HCN1: variants seen among roughly 807,000 people sequenced by gnomAD.
HCN1 encodes the protein hyperpolarization activated cyclic nucleotide gated potassium channel 1, also known as potassium/sodium hyperpolarization-activated cyclic nucleotide-gated channel 1.
HCN1 carries 13 observed loss-of-function variants against 78.9 expected under a neutral mutation model. That is an observed-to-expected ratio of 0.16 (90% CI 0.11 to 0.26). The LOEUF (loss-of-function observed/expected upper bound fraction) is 0.26, where lower values mean the gene tolerates loss of function less well. HCN1 is among the 10% of genes least tolerant of loss of function. The probability of loss-of-function intolerance (pLI) is 1.00; values close to 1 mark genes in which losing one functional copy is unlikely to be tolerated. For missense variants in HCN1, 810 were observed against 1,154.3 expected (o/e 0.70, Z 4.32); for synonymous variants, 552 against 455.5 (o/e 1.21, Z -2.70).
chr5:45,327,461 A>G (rs1746258786), intron 5 of HCN1, among the ~76,000 whole-genome samples: 1 of 151,638 alleles, frequency 6.6e-6, no homozygotes, highest in South Asian at 2.1e-4. Flanking sequence ...CAAACATAAC[A>G]ATATATGTAT....
At chr5:45,412,966 G>A (rs1384767748) in intron 3 of HCN1, among the ~76,000 whole-genome samples, 1 of 152,034 alleles carries the variant, frequency 6.6e-6, no homozygotes, top group Non-Finnish European at 1.5e-5. Context: ...TATTAGTTTT[G>A]AACATTCTTG....
intron 2 of HCN1, among the ~76,000 whole-genome samples, chr5:45,612,149 CTA>C (rs1410292445): frequency 6.6e-6 from 1 of 152,074 alleles, no homozygotes; most frequent in Non-Finnish European, 1.5e-5. Flanking sequence ...TCTGGAGTTT[CTA>C]TGTTATTTCT....
chr5:45,474,803 A>T (rs1244334083), intron 2 of HCN1, among the ~76,000 whole-genome samples: 1 of 151,948 alleles, frequency 6.6e-6, no homozygotes, highest in East Asian at 1.9e-4. Context: ...GATGGGAAGG[A>T]TCATACCTTA....
intron 1 of HCN1, among the ~76,000 whole-genome samples, chr5:45,692,661 A>G (rs750245148): frequency 1.4e-4 from 22 of 152,146 alleles, no homozygotes; most frequent in Non-Finnish European, 3.1e-4. Context: ...AGGGGTAGAG[A>G]AAACTACCTG....
In HCN1 at chr5:45,654,186, G is replaced by C. The variant is rs1262451673; in HGVS notation, c.426-8578C>G. Among the ~76,000 whole-genome samples, 3 of 152,000 alleles carry C rather than the reference G, an allele frequency of 2.0e-5. No homozygotes were observed. The South Asian group carries it at 6.2e-4, about 31-fold the overall frequency. ...CTGTTCCTCCCTAAATATAACCCAT[G>C]AATTATATTTCTGTAAGTCTATAGC... is the stretch of plus-strand genomic sequence containing the variant. On this transcript the variant is annotated intron_variant, in intron 1 of 7. Coordinates refer to ENST00000303230, the MANE Select transcript of HCN1 (RefSeq NM_021072.4).
At chr5:45,692,807 G>A (rs527875540) in intron 1 of HCN1, among the ~76,000 whole-genome samples, 6 of 152,172 alleles carry the variant, frequency 3.9e-5, no homozygotes, top group South Asian at 2.1e-4. Context: ...AAAAATTATC[G>A]TGAGCAGGGA....
chr5:45,540,326 A>AT (rs34797116), intron 2 of HCN1, among the ~76,000 whole-genome samples: 9,572 of 143,678 alleles, frequency 0.067, 416 homozygotes, highest in Admixed American at 0.089. Flanking sequence ...TATTTTACTG[A>AT]TTTTTTTTTT....
intron 2 of HCN1, among the ~76,000 whole-genome samples, chr5:45,493,014 T>C (rs973279960): frequency 6.6e-6 from 1 of 152,054 alleles, no homozygotes; most frequent in Admixed American, 6.6e-5. Flanking sequence ...CTGTAAAATA[T>C]AGAGAGAATC....
At chr5:45,539,382 G>T (rs1016997943) in intron 2 of HCN1, among the ~76,000 whole-genome samples, 2 of 151,084 alleles carry the variant, frequency 1.3e-5, no homozygotes, top group Admixed American at 1.3e-4. Context: ...TTTAAATAAG[G>T]CCGGGTGTGG....
chr5:45,475,927 C>T (rs750190258), intron 2 of HCN1, among the ~76,000 whole-genome samples: 2 of 152,080 alleles, frequency 1.3e-5, no homozygotes, highest in Non-Finnish European at 2.9e-5. Context: ...CTAAAAGACA[C>T]AGATATATCC....
intron 2 of HCN1, among the ~76,000 whole-genome samples, chr5:45,497,051 C>T (rs907528420): frequency 2.6e-5 from 4 of 152,134 alleles, no homozygotes; most frequent in African/African-American, 2.4e-5. Flanking sequence ...AGTTTGATTG[C>T]ACTGTGGTCT....
chr5:45,471,133 A>G (rs1344551735), intron 2 of HCN1, among the ~76,000 whole-genome samples: 1 of 151,890 alleles, frequency 6.6e-6, no homozygotes, highest in Non-Finnish European at 1.5e-5. Context: ...TATCAAAACT[A>G]TATCTTTCCC....
intron 5 of HCN1, among the ~76,000 whole-genome samples, chr5:45,328,108 G>C (rs1746271851): frequency 6.6e-6 from 1 of 151,594 alleles, no homozygotes; most frequent in African/African-American, 2.4e-5. Flanking sequence ...TGAAATCTCA[G>C]ACAGTGCTGA....
chr5:45,594,835 G>A (rs1322123601), intron 2 of HCN1, among the ~76,000 whole-genome samples: 1 of 152,084 alleles, frequency 6.6e-6, no homozygotes, highest in Non-Finnish European at 1.5e-5. Context: ...AGATTATGGT[G>A]ACAGTACAGA....
intron 2 of HCN1, among the ~76,000 whole-genome samples, chr5:45,618,597 T>C (rs908951299): frequency 6.6e-6 from 1 of 152,088 alleles, no homozygotes; most frequent in Non-Finnish European, 1.5e-5. Context: ...ATTCACCCAA[T>C]GTAAGGAAGG....
chr5:45,568,435 A>G (rs1743753200), intron 2 of HCN1, among the ~76,000 whole-genome samples: 1 of 152,098 alleles, frequency 6.6e-6, no homozygotes, highest in South Asian at 2.1e-4. Context: ...ATTGGAATGA[A>G]ATAGAACTGG....
chr5:45,283,470 A>T (rs1241729918), intron 6 of HCN1, among the ~76,000 whole-genome samples: 1 of 152,196 alleles, frequency 6.6e-6, no homozygotes, highest in East Asian at 1.9e-4. Flanking sequence ...CACCATTAAA[A>T]TGTGGGCAAA....
At chr5:45,315,194 C>A (rs961603042) in intron 5 of HCN1, among the ~76,000 whole-genome samples, 1 of 152,254 alleles carries the variant, frequency 6.6e-6, no homozygotes, top group South Asian at 2.1e-4. Context: ...TGTAAAAGAA[C>A]AGAAATTATA....
At chr5:45,531,491 T>C (rs1195510350) in intron 2 of HCN1, among the ~76,000 whole-genome samples, 2 of 152,164 alleles carry the variant, frequency 1.3e-5, no homozygotes, top group Non-Finnish European at 2.9e-5. Context: ...TAGTCCCGTG[T>C]TTTTAAAGAA....
Sources: allele counts gnomAD v4.1 joint callset (sites outside exome capture counted in the v4.1 genomes callset), GRCh38; gene constraint gnomAD v4.1.1; transcripts MANE v1.5; gene names NCBI Gene and HGNC (gene_info 2026-07-23, HGNC 2026-07-21).